The following RBM25 variants were observed in gnomAD, a reference collection of about 807,000 sequenced individuals.
The protein encoded by RBM25 is RNA binding motif protein 25, also known as RNA-binding protein 25.
Under a neutral mutation model 120.7 loss-of-function variants are expected in RBM25, and 19 were observed. The ratio of observed to expected loss-of-function variants is 0.16; its 90% CI spans 0.11 to 0.23. RBM25 has a LOEUF of 0.23. RBM25 is among the 10% of genes least tolerant of loss of function. The pLI is 1.00. For missense variants in RBM25, 605 were observed against 1,041.5 expected, an observed-to-expected ratio of 0.58 and a Z score of 5.77; for synonymous variants, 390 against 326.7, an observed-to-expected ratio of 1.19 and a Z score of -2.09.
chr14:73,094,810 G>GGT (rs60336075), intron 6 of RBM25, among the ~76,000 whole-genome samples: 2,214 of 145,268 alleles, frequency 0.015, 23 homozygotes, highest in Non-Finnish European at 0.021. Flanking sequence ...ACAGGAGCGA[G>GGT]GTGTGTGTGT....
chr14:73,098,268 T>C (rs891090936), intron 7 of RBM25, among the ~76,000 whole-genome samples: 1 of 152,188 alleles, frequency 6.6e-6, no homozygotes, highest in Non-Finnish European at 1.5e-5. Flanking sequence ...AAGCTGAGAC[T>C]ATAGGCATGT....
intron 5 of RBM25, among the ~76,000 whole-genome samples, chr14:73,087,631 G>A (rs141225022): frequency 0.026 from 3,882 of 152,090 alleles, 65 homozygotes; most frequent in Non-Finnish European, 0.036. Flanking sequence ...TCCTGACCTC[G>A]TGATCCACCC....
rs764575053 is a variant in RBM25 at position 73,105,917 on chromosome 14, C to A, written c.1213C>A (p.Arg405=). 6.2e-7 allele frequency: 1 copy of A among 1,608,912 alleles called. No homozygotes were observed. Among genetic ancestry groups the A allele is most frequent in the Non-Finnish European group, 8.5e-7 (1 of 1,177,516 alleles). Residue 405 remains arginine (R), a synonymous_variant, in exon 11 of 19, where the codon CGA becomes AGA. Coordinates refer to ENST00000261973, the MANE Select transcript of RBM25 (RefSeq NM_021239.3). ...RERERERERE[R]ERERERERER... ...GCGGGAAAGAGAGAGAGAGAGAGAA[C>A]GAGAGCGAGAACGAGAACGGGAGCG...
chr14:73,113,370 G>C (rs1007094441), intron 17 of RBM25, among the ~76,000 whole-genome samples: 5 of 151,676 alleles, frequency 3.3e-5, no homozygotes, highest in Non-Finnish European at 7.4e-5. Context: ...TACAAGGCGT[G>C]AGCCATCACA....
At chr14:73,091,386 A>G (rs191019238) in intron 6 of RBM25, among the ~76,000 whole-genome samples, 1 of 152,090 alleles carries the variant, frequency 6.6e-6, no homozygotes, top group African/African-American at 2.4e-5. Flanking sequence ...GCTAAGTTTT[A>G]TATTTTTTGT....
At chr14:73,087,176 T>G (rs1386304583) in intron 5 of RBM25, among the ~76,000 whole-genome samples, 8 of 152,208 alleles carry the variant, frequency 5.3e-5, no homozygotes. Flanking sequence ...TTAGATTTAA[T>G]TTTGTTTTAA....
intron 2 of RBM25, among the ~76,000 whole-genome samples, chr14:73,072,990 G>A (rs904439140): frequency 2.0e-5 from 3 of 152,074 alleles, no homozygotes; most frequent in African/African-American, 7.2e-5. Context: ...ACAGTGGCAC[G>A]ATCATGGCTC....
chr14:73,103,948 T>TCTCTCACTCA, intron 10 of RBM25, among the ~76,000 whole-genome samples: 1 of 91,348 alleles, frequency 1.1e-5, no homozygotes, highest in Non-Finnish European at 2.4e-5. Flanking sequence ...TCTCTCTCTC[T>TCTCTCACTCA]CACACACACA....
intron 1 of RBM25, among the ~76,000 whole-genome samples, chr14:73,067,133 C>T (rs1049762073): frequency 8.7e-5 from 13 of 149,098 alleles, no homozygotes; most frequent in African/African-American, 2.9e-4. Flanking sequence ...GCAATGGCAC[C>T]GTCTCGGCTC....
Position 73,071,719 on chromosome 14 carries a change from T to G in RBM25, c.78T>G (p.Phe26Leu). ...CACCAGGGATCCCACCCCCGCAGTT[T>G]CCAGGATTTCCTCCACCTGTACCTC... ...ALPPGIPPPQ[F>L]PGFPPPVPPG... The change falls in exon 2 of 19, where the codon TTT becomes TTG. Residue 26 changes from phenylalanine (F) to leucine (L), a missense_variant. Physicochemically the swap from Phe to Leu is conservative, Grantham distance 22 (BLOSUM62 0). Around this residue, in one of 4 missense-constraint regions of RBM25, gnomAD observed 90 missense variants for 107.3 expected, o/e 0.84. Transcript: ENST00000261973. 6.2e-7 allele frequency: 1 copy of G among 1,613,892 alleles called. No homozygotes were observed. The highest frequency in any genetic ancestry group is 8.5e-7 in the Non-Finnish European group (1 of 1,179,780).
At chr14:73,077,641 T>A in intron 4 of RBM25, 105 bp downstream of exon 4, 3 of 1,072,882 alleles carry the variant, frequency 2.8e-6, no homozygotes, top group Non-Finnish European at 3.9e-6. Flanking sequence ...TTTAAAAAAT[T>A]TCAGTCCTGC....
At position 73,071,690 on chromosome 14, in the gene RBM25, C is replaced by T; in HGVS notation, c.49C>T (p.Leu17Phe). The stretch of plus-strand genomic sequence containing the variant: ...TCGCCCTCCCATGGGAATCCCAGCA[C>T]TCCCACCAGGGATCCCACCCCCGCA... ...LNRPPMGIPALPPGIPPPQFP... is the reference protein window; with the variant it reads ...LNRPPMGIPAFPPGIPPPQFP... The change falls in exon 2 of 19, where the codon CTC becomes TTC. Residue 17 changes from leucine to phenylalanine, a missense_variant. By Grantham distance (22) the Leu-to-Phe change is conservative (BLOSUM62 0). Around this residue, in one of 4 missense-constraint regions of RBM25, gnomAD observed 90 missense variants for 107.3 expected, o/e 0.84. Transcript: ENST00000261973. The T allele has an allele frequency of 1.2e-6, 2 of 1,614,106 alleles. No individual in the cohort carries two copies. Among genetic ancestry groups the T allele is most frequent in the Non-Finnish European group, 1.7e-6 (2 of 1,179,988 alleles).
Position 73,106,070 on chromosome 14 carries a change from G to A in RBM25, c.1366G>A (p.Ala456Thr), listed in dbSNP as rs769964334. 1 of 1,607,220 alleles carries A rather than the reference G, an allele frequency of 6.2e-7. No individual in the cohort carries two copies. Among genetic ancestry groups the A allele is most frequent in the South Asian group, 1.1e-5 (1 of 89,560 alleles). Residue 456 changes from alanine to threonine, a missense_variant, in exon 11 of 19, where the codon GCT becomes ACT. Coordinates refer to ENST00000261973, the MANE Select transcript of RBM25 (RefSeq NM_021239.3). ...LERKLREKEAAYQERLKNWEI... is the reference protein window; with the variant it reads ...LERKLREKEATYQERLKNWEI... The stretch of plus-strand genomic sequence containing the variant: ...AAGAAAACTCCGAGAGAAAGAAGCT[G>A]CTTATCAAGAGGTAAGTTGAGAAAA...
At chr14:73,105,142 TTTGGAGAC>T (rs1266063188) in intron 10 of RBM25, among the ~76,000 whole-genome samples, 1 of 148,464 alleles carries the variant, frequency 6.7e-6, no homozygotes, top group Non-Finnish European at 1.5e-5. Flanking sequence ...TTTTTTTTTT[TTTGGAGAC>T]GGGCTGGAGT....
chr14:73,100,970 C>T (rs1243930207), intron 9 of RBM25: 2 of 152,090 alleles, frequency 1.3e-5, no homozygotes, highest in Non-Finnish European at 2.9e-5. Flanking sequence ...GTGTGGTTTA[C>T]CCCCTTTTTG....
chr14:73,110,091 G>T (rs893276128), intron 14 of RBM25, among the ~76,000 whole-genome samples: 3 of 151,430 alleles, frequency 2.0e-5, no homozygotes, highest in Non-Finnish European at 4.4e-5. Flanking sequence ...TACCATGTTG[G>T]CCAGGCTAGT....
Position 73,120,888 on chromosome 14 carries a change from A to AT in RBM25, c.*1085dup, listed in dbSNP as rs1369598117. ...TGTTATTTAAGGATAAAGGTAAATC[A>AT]TTCAAGGCAGTTACCAACCACTAAC... On this transcript the variant is annotated 3_prime_UTR_variant, in exon 19 of 19. Coordinates refer to ENST00000261973, the MANE Select transcript of RBM25 (RefSeq NM_021239.3). The AT allele has an allele frequency of 6.6e-6, 1 of 152,226 alleles. No individual in the cohort carries two copies. The highest frequency in any genetic ancestry group is 2.4e-5 in the African/African-American group (1 of 41,466). 9.4% of individuals were successfully genotyped at this position (152,226 alleles called of 1,614,324 possible).
At chr14:73,099,585 A>G in intron 8 of RBM25, 82 bp from the exon 9 acceptor site, 3 of 1,587,464 alleles carry the variant, frequency 1.9e-6, no homozygotes, top group South Asian at 1.2e-5. Flanking sequence ...TTTGAGACCT[A>G]TACAGAATAT....
intron 1 of RBM25, among the ~76,000 whole-genome samples, chr14:73,066,753 A>G (rs1255261060): frequency 6.6e-6 from 1 of 152,140 alleles, no homozygotes; most frequent in East Asian, 1.9e-4. Flanking sequence ...GTTTTATTGA[A>G]TATGGTATTA....
Sources: gnomAD v4.1 joint callset for allele counts (sites outside exome capture counted in the v4.1 genomes callset) on GRCh38, gnomAD v4.1.1 for gene constraint, gnomAD v4.1.1 regional missense constraint, MANE v1.5 for transcripts, NCBI Gene and HGNC (gene_info 2026-07-23, HGNC 2026-07-21) for gene names.